Variants in ATF6 observed in about 807,000 individuals in gnomAD.
ATF6 encodes the protein activating transcription factor 6.
In ATF6, 53 loss-of-function variants were observed where a neutral mutation model predicts 83.6. The observed-to-expected ratio is 0.63, with a 90% CI of 0.51 to 0.80. ATF6 has a LOEUF of 0.80. Among genes scored for constraint, ATF6 ranks in the 30% least tolerant of loss-of-function variants. The pLI is 0.00. For missense variants in ATF6, 744 were observed against 797.9 expected (o/e 0.93, Z 0.81); for synonymous variants, 288 against 285.8 (o/e 1.01, Z -0.08).
intron 14 of ATF6, among the ~76,000 whole-genome samples, chr1:161,867,824 A>G (rs1338920404): frequency 6.6e-6 from 1 of 152,252 alleles, no homozygotes; most frequent in East Asian, 1.9e-4. Flanking sequence ...CTATAGCCAT[A>G]TGACTGCCTG....
At chr1:161,864,667 T>C (rs1283500291) in intron 14 of ATF6, among the ~76,000 whole-genome samples, 1 of 152,226 alleles carries the variant, frequency 6.6e-6, no homozygotes, top group East Asian at 1.9e-4. Context: ...TAGCGTCTCA[T>C]GATCACTGCC....
chr1:161,801,669 A>G (rs1685152250), intron 6 of ATF6, among the ~76,000 whole-genome samples: 1 of 151,916 alleles, frequency 6.6e-6, no homozygotes, highest in African/African-American at 2.4e-5. Context: ...AGAATACATG[A>G]CTCTCCATAT....
chr1:161,958,805 T>G lies in ATF6; in HGVS notation c.*151T>G. On this transcript the variant is annotated 3_prime_UTR_variant, in exon 16 of 16. Transcript: ENST00000367942. The stretch of plus-strand genomic sequence containing the variant: ...AAGAAGAAGAAATAAAAGAAGCTGC[T>G]CCATTTTTCATCATCTACCCATCTA... 1.6e-6 allele frequency: 1 copy of G among 643,154 alleles called. No homozygotes were observed. The highest frequency in any genetic ancestry group is 2.9e-5 in the East Asian group (1 of 34,628). 39.8% of individuals were successfully genotyped at this position (643,154 alleles called of 1,614,324 possible).
chr1:161,955,739 A>G (rs1248227412), intron 15 of ATF6, among the ~76,000 whole-genome samples: 1 of 152,198 alleles, frequency 6.6e-6, no homozygotes, highest in Non-Finnish European at 1.5e-5. Context: ...CCAAATGCTG[A>G]ACTATCCAGC....
At chr1:161,883,412 A>G (rs756553414) in intron 14 of ATF6, among the ~76,000 whole-genome samples, 52 of 152,190 alleles carry the variant, frequency 3.4e-4, no homozygotes, top group Admixed American at 1.9e-3. Flanking sequence ...CTATAGAACT[A>G]CAGACTTAGA....
At chr1:161,857,127 T>TA (rs35991330) in intron 12 of ATF6, among the ~76,000 whole-genome samples, 6 of 152,164 alleles carry the variant, frequency 3.9e-5, no homozygotes, top group Non-Finnish European at 1.5e-5. Flanking sequence ...ATCAAGATTT[T>TA]AAAAAAATTC....
chr1:161,919,527 T>A (rs1468333290), intron 15 of ATF6, among the ~76,000 whole-genome samples: 1 of 152,202 alleles, frequency 6.6e-6, no homozygotes, highest in Non-Finnish European at 1.5e-5. Flanking sequence ...GATATGTTTG[T>A]TTTTTAATGG....
intron 2 of ATF6, among the ~76,000 whole-genome samples, chr1:161,781,072 A>G (rs1398248355): frequency 6.6e-6 from 1 of 152,224 alleles, no homozygotes; most frequent in Non-Finnish European, 1.5e-5. Context: ...GACTCCAGAC[A>G]CTTAATTTAA....
intron 13 of ATF6, 110 bp downstream of exon 13, chr1:161,860,387 T>G (rs1686857501): frequency 4.1e-6 from 2 of 485,444 alleles, no homozygotes; most frequent in Non-Finnish European, 7.0e-6. Context: ...TCTATGAGTT[T>G]TATATTAGTC....
chr1:161,937,135 G>A (rs560003706), intron 15 of ATF6, among the ~76,000 whole-genome samples: 57 of 151,666 alleles, frequency 3.8e-4, no homozygotes, highest in African/African-American at 7.0e-4. Context: ...AAATATTGAC[G>A]CTAGAATGAA....
At chr1:161,888,879 C>CG (rs1424550351) in intron 14 of ATF6, among the ~76,000 whole-genome samples, 1 of 152,202 alleles carries the variant, frequency 6.6e-6, no homozygotes, top group African/African-American at 2.4e-5. Context: ...GTCCATACCT[C>CG]TCCTGCCTTA....
At chr1:161,947,002 G>A (rs114900706) in intron 15 of ATF6, among the ~76,000 whole-genome samples, 1,909 of 152,228 alleles carry the variant, frequency 0.013, 46 homozygotes, top group African/African-American at 0.043. Context: ...GAATTCACTC[G>A]GTATATGTGT....
At chr1:161,952,382 T>G (rs1184792574) in intron 15 of ATF6, among the ~76,000 whole-genome samples, 1 of 152,118 alleles carries the variant, frequency 6.6e-6, no homozygotes, top group Non-Finnish European at 1.5e-5. Flanking sequence ...CTCTGGGCCC[T>G]GCACTTAAAA....
chr1:161,815,316 AG>A (rs1407040262), intron 7 of ATF6, among the ~76,000 whole-genome samples: 1 of 148,800 alleles, frequency 6.7e-6, no homozygotes, highest in Non-Finnish European at 1.5e-5. Context: ...CTCAGCCTCT[AG>A]GGTAGCTAGG....
At chr1:161,838,721 T>C (rs1345948121) in intron 9 of ATF6, among the ~76,000 whole-genome samples, 1 of 152,202 alleles carries the variant, frequency 6.6e-6, no homozygotes, top group Non-Finnish European at 1.5e-5. Flanking sequence ...GAATCTCAGG[T>C]TGTTTTCTTG....
chr1:161,776,036 G>T (rs949560477), intron 1 of ATF6, among the ~76,000 whole-genome samples: 15 of 152,026 alleles, frequency 9.9e-5, no homozygotes, highest in Non-Finnish European at 8.8e-5. Flanking sequence ...AATACTTCTA[G>T]TTCTAATCCA....
chr1:161,813,632 A>C (rs1685529378), intron 7 of ATF6, among the ~76,000 whole-genome samples: 1 of 152,216 alleles, frequency 6.6e-6, no homozygotes, highest in South Asian at 2.1e-4. Context: ...GTGATTTACT[A>C]AATTGATAAA....
At chr1:161,782,574 C>T (rs532083594) in intron 3 of ATF6, among the ~76,000 whole-genome samples, 1 of 152,222 alleles carries the variant, frequency 6.6e-6, no homozygotes, top group Admixed American at 6.5e-5. Flanking sequence ...TTGACAGGAC[C>T]TAAAAGGATG....
chr1:161,941,624 C>A (rs143676189), intron 15 of ATF6, among the ~76,000 whole-genome samples: 3 of 152,104 alleles, frequency 2.0e-5, no homozygotes, highest in Admixed American at 1.3e-4. Flanking sequence ...AACTACATGG[C>A]GATTCTAGTT....
Sources: gnomAD v4.1 joint callset for allele counts (sites outside exome capture counted in the v4.1 genomes callset) on GRCh38, gnomAD v4.1.1 for gene constraint, MANE v1.5 for transcripts, NCBI Gene and HGNC (gene_info 2026-07-23, HGNC 2026-07-21) for gene names.